SYNPR: variants seen among roughly 807,000 people sequenced by gnomAD.
SYNPR encodes synaptoporin.
In SYNPR, 23 loss-of-function variants were observed where a neutral mutation model predicts 32.9. The ratio of observed to expected loss-of-function variants is 0.70; its 90% CI spans 0.50 to 0.99. SYNPR has a LOEUF of 0.99. Ranked by LOEUF, SYNPR falls within the 50% of genes least tolerant of loss-of-function variation. SYNPR has a pLI of 0.00. For synonymous variants in SYNPR, 146 were observed against 135.9 expected, an observed-to-expected ratio of 1.07 and a Z score of -0.52; for missense variants, 318 against 349.3, an observed-to-expected ratio of 0.91 and a Z score of 0.71.
intron 2 of SYNPR, among the ~76,000 whole-genome samples, chr3:63,306,530 A>G (rs1385584891): frequency 1.7e-5 from 2 of 120,880 alleles, no homozygotes; most frequent in Non-Finnish European, 1.8e-5. Flanking sequence ...CAGATTTACC[A>G]GTGATTAAAA....
intron 5 of SYNPR, among the ~76,000 whole-genome samples, chr3:63,611,706 G>A (rs6774940): frequency 0.49 from 74,082 of 151,840 alleles, 18,274 homozygotes; most frequent in Middle Eastern, 0.59. Context: ...CATCCACACA[G>A]CAGAAGATAG....
intron 3 of SYNPR, among the ~76,000 whole-genome samples, chr3:63,537,647 T>C (rs1039642414): frequency 3.3e-5 from 5 of 152,118 alleles, no homozygotes; most frequent in African/African-American, 1.2e-4. Flanking sequence ...AAATAATATC[T>C]TCTGGTGGAA....
At chr3:63,349,342 C>T (rs1302565532) in intron 2 of SYNPR, among the ~76,000 whole-genome samples, 2 of 152,218 alleles carry the variant, frequency 1.3e-5, no homozygotes, top group East Asian at 3.9e-4. Context: ...CCTTGTGATC[C>T]GCCCACCTCG....
chr3:63,250,365 C>G (rs1324016116), intron 1 of SYNPR, among the ~76,000 whole-genome samples: 1 of 151,792 alleles, frequency 6.6e-6, no homozygotes, highest in Non-Finnish European at 1.5e-5. Flanking sequence ...ATAAAATTAT[C>G]CAAGATCTCC....
chr3:63,393,389 C>A (rs534873752), intron 2 of SYNPR, among the ~76,000 whole-genome samples: 1 of 151,508 alleles, frequency 6.6e-6, no homozygotes, highest in Non-Finnish European at 1.5e-5. Context: ...TGTATGTATT[C>A]TTTTCATTAG....
chr3:63,402,428 T>C (rs2088304985), intron 2 of SYNPR, among the ~76,000 whole-genome samples: 1 of 152,240 alleles, frequency 6.6e-6, no homozygotes, highest in South Asian at 2.1e-4. Flanking sequence ...TTCTAGTTCT[T>C]ATCCCAAAAG....
the SYNPR span, among the ~76,000 whole-genome samples, chr3:63,205,781 T>C: frequency 2.0e-5 from 3 of 152,366 alleles, no homozygotes; most frequent in South Asian, 6.2e-4. Flanking sequence ...TACCTGCTGA[T>C]AGGAGTATGC....
intron 4 of SYNPR, among the ~76,000 whole-genome samples, chr3:63,579,714 T>G (rs965337131): frequency 6.6e-6 from 1 of 151,982 alleles, no homozygotes; most frequent in Non-Finnish European, 1.5e-5. Context: ...ATCTGGCTAA[T>G]TTTCCCAGTT....
intron 2 of SYNPR, among the ~76,000 whole-genome samples, chr3:63,259,266 CA>C (rs1027459953): frequency 6.6e-6 from 1 of 151,572 alleles, no homozygotes; most frequent in African/African-American, 2.4e-5. Context: ...AGAGACTCAA[CA>C]AAAAAAAGAG....
At chr3:63,245,057 A>G (rs779485314) in intron 1 of SYNPR, among the ~76,000 whole-genome samples, 35 of 152,128 alleles carry the variant, frequency 2.3e-4, no homozygotes, top group Non-Finnish European at 4.3e-4. Context: ...GCTATCTTCA[A>G]CTTACATCTC....
chr3:63,381,810 G>C lies in SYNPR; in HGVS notation c.85-99022G>C, dbSNP rs111758284. Among the ~76,000 whole-genome samples the C allele has an allele frequency of 1.6e-3, 240 of 151,886 alleles. 1 individual carries two copies. Among genetic ancestry groups the C allele is most frequent in the African/African-American group, 5.5e-3 (229 of 41,428 alleles). ...GTTTATTCTCTTCTTCCTTTTTCCT[G>C]CCTTCCTGTGGATTACTGAAACATC... On this transcript the variant is annotated intron_variant, in intron 2 of 5. Transcript: ENST00000478300.
At chr3:63,429,272 T>C (rs900780339) in intron 2 of SYNPR, among the ~76,000 whole-genome samples, 11 of 152,202 alleles carry the variant, frequency 7.2e-5, no homozygotes, top group Admixed American at 5.2e-4. Context: ...CATAAACCAA[T>C]GTAGCCTTCT....
intron 2 of SYNPR, among the ~76,000 whole-genome samples, chr3:63,255,268 C>G (rs907793739): frequency 6.6e-6 from 1 of 152,068 alleles, no homozygotes; most frequent in African/African-American, 2.4e-5. Context: ...TTGTGTGTTG[C>G]TGTCAAAAAA....
At chr3:63,531,940 TC>T (rs1702120590) in intron 3 of SYNPR, among the ~76,000 whole-genome samples, 1 of 152,168 alleles carries the variant, frequency 6.6e-6, no homozygotes, top group African/African-American at 2.4e-5. Flanking sequence ...GTTACGTCAT[TC>T]CCAAGGAGCT....
intron 2 of SYNPR, among the ~76,000 whole-genome samples, chr3:63,466,055 C>T (rs939292785): frequency 6.6e-6 from 1 of 152,116 alleles, no homozygotes; most frequent in Non-Finnish European, 1.5e-5. Context: ...CCTCTCTCTC[C>T]TCCTACTCTC....
intron 2 of SYNPR, among the ~76,000 whole-genome samples, chr3:63,312,042 T>C (rs1411967023): frequency 2.0e-5 from 3 of 152,038 alleles, no homozygotes; most frequent in Non-Finnish European, 4.4e-5. Context: ...AAATCTGTGA[T>C]GATCTAAATT....
intron 4 of SYNPR, among the ~76,000 whole-genome samples, chr3:63,607,386 A>G (rs189426771): frequency 8.5e-5 from 13 of 152,270 alleles, no homozygotes; most frequent in Admixed American, 6.5e-4. Flanking sequence ...CTATTCCTCC[A>G]ATTTCAAATT....
intron 2 of SYNPR, among the ~76,000 whole-genome samples, chr3:63,287,002 T>C (rs1315919922): frequency 6.6e-6 from 1 of 152,194 alleles, no homozygotes; most frequent in Non-Finnish European, 1.5e-5. Context: ...GTGTAAGAAC[T>C]TGATCTCTGT....
intron 3 of SYNPR, among the ~76,000 whole-genome samples, chr3:63,532,841 C>T (rs535666625): frequency 6.6e-6 from 1 of 152,274 alleles, no homozygotes; most frequent in South Asian, 2.1e-4. Flanking sequence ...TGTAATACAC[C>T]ATGCTAAGAT....
Sources: allele counts gnomAD v4.1 joint callset (sites outside exome capture counted in the v4.1 genomes callset), GRCh38; gene constraint gnomAD v4.1.1; transcripts MANE v1.5; gene names NCBI Gene and HGNC (gene_info 2026-07-23, HGNC 2026-07-21).